Variants in GXYLT1 observed in about 807,000 individuals in gnomAD.
GXYLT1 encodes the protein glycosyltransferase 8 domain containing 3.
GXYLT1 carries 29 observed loss-of-function variants against 54.0 expected under a neutral mutation model. That is an observed-to-expected ratio of 0.54 (90% CI 0.40 to 0.73). GXYLT1 has a LOEUF of 0.73. GXYLT1 is among the 30% of genes least tolerant of loss of function. GXYLT1 has a pLI of 0.00. For missense variants in GXYLT1, 490 were observed against 553.4 expected, an observed-to-expected ratio of 0.89 and a Z score of 1.15; for synonymous variants, 176 against 204.1, an observed-to-expected ratio of 0.86 and a Z score of 1.17.
In GXYLT1 at chr12:42,097,532, T is replaced by G. The variant is rs751768814; in HGVS notation, c.1071A>C (p.Glu357Asp). The change falls in exon 7 of 8, where the codon GAA (glutamate) becomes GAC (aspartate). Residue 357 changes from glutamate to aspartate, a missense_variant. Around this residue, in one of 2 missense-constraint regions of GXYLT1, gnomAD observed 342 missense variants for 342.6 expected, o/e 1.00. Coordinates refer to ENST00000398675, the MANE Select transcript of GXYLT1 (RefSeq NM_173601.2). ...IYGSNCQEAE[E>D]GGIFILHGNR... Reference sequence around the variant, plus strand: ...TCCCATGAAGAATAAAGATTCCTCCTTCTTCTGCTTCTTGGCAATTGCTTC... The same window carrying G: ...TCCCATGAAGAATAAAGATTCCTCCGTCTTCTGCTTCTTGGCAATTGCTTC... 1 of 1,611,952 alleles carries G rather than the reference T, an allele frequency of 6.2e-7. No individual in the cohort carries two copies. The highest frequency in any genetic ancestry group is 2.2e-5 in the East Asian group (1 of 44,768).
intron 5 of GXYLT1, among the ~76,000 whole-genome samples, chr12:42,098,964 AAAG>A (rs1395946049): frequency 3.9e-5 from 6 of 152,016 alleles, no homozygotes; most frequent in Admixed American, 3.3e-4. Flanking sequence ...ATATAAAGTC[AAAG>A]AAGATTTGCT....
intron 1 of GXYLT1, among the ~76,000 whole-genome samples, chr12:42,138,483 C>T (rs999067063): frequency 1.3e-5 from 2 of 151,962 alleles, no homozygotes; most frequent in Admixed American, 6.5e-5. Flanking sequence ...CACAATATAC[C>T]TCCTCTACCA....
rs1426753855 is a variant in GXYLT1 at position 42,105,826 on chromosome 12, ACTTC to A, written c.852_855del (p.Arg284SerfsTer7). ...CTGTATTAGTGACTTACCTTGAAAT[ACTTC>A]CTTCTCATTCGAGTCATGTTCATCA... On this transcript the variant is annotated frameshift_variant, in exon 5 of 8. Coordinates refer to ENST00000398675, the MANE Select transcript of GXYLT1 (RefSeq NM_173601.2). LOFTEE classifies it high-confidence loss of function. The A allele has an allele frequency of 1.2e-6, 2 of 1,611,170 alleles. No individual in the cohort carries two copies. Among genetic ancestry groups the A allele is most frequent in the Non-Finnish European group, 1.7e-6 (2 of 1,178,954 alleles).
In GXYLT1 at chr12:42,086,417, C is replaced by T. The variant is rs1438670303; in HGVS notation, c.*1369G>A. On this transcript the variant is annotated 3_prime_UTR_variant, in exon 8 of 8. Transcript: ENST00000398675. ...ACTGTGTCTTCACAAAGCTAACTGCCACAATTTTCACAGGTTGTATTTTTC... is the reference window on the plus strand; with the variant it reads ...ACTGTGTCTTCACAAAGCTAACTGCTACAATTTTCACAGGTTGTATTTTTC... The T allele has an allele frequency of 1.3e-5, 2 of 152,226 alleles. No individual in the cohort carries two copies. Among genetic ancestry groups the T allele is most frequent in the East Asian group, 3.8e-4 (2 of 5,204 alleles). The allele number at this position is 152,226 out of a possible 1,614,324, so 9.4% of individuals were successfully genotyped here.
intron 1 of GXYLT1, 56 bp from the exon 2 acceptor site, chr12:42,129,907 A>G: frequency 9.1e-7 from 1 of 1,102,030 alleles, no homozygotes; most frequent in South Asian, 1.3e-5. Context: ...TTTGGAACTA[A>G]CAAGGAATTT....
intron 3 of GXYLT1, among the ~76,000 whole-genome samples, chr12:42,118,666 T>C (rs149539055): frequency 2.0e-4 from 30 of 152,338 alleles, no homozygotes; most frequent in African/African-American, 6.5e-4. Flanking sequence ...GATGACTCGA[T>C]CATGGGGGCC....
chr12:42,130,400 C>T (rs1255123991), intron 1 of GXYLT1, among the ~76,000 whole-genome samples: 2 of 151,850 alleles, frequency 1.3e-5, no homozygotes, highest in South Asian at 2.1e-4. Context: ...ATCAGGGAAA[C>T]GCACATTAAA....
chr12:42,110,609 A>G (rs1166167844), intron 3 of GXYLT1, among the ~76,000 whole-genome samples: 1 of 152,140 alleles, frequency 6.6e-6, no homozygotes, highest in African/African-American at 2.4e-5. Context: ...AAGTGCAGTA[A>G]CATGATTATG....
rs758231869 is a variant in GXYLT1 at position 42,129,871 on chromosome 12, A to G, written c.222-20T>C. On this transcript the variant is annotated intron_variant, in intron 1 of 7. Transcript: ENST00000398675. ...TTACACCTAACAGAGTAAGACAGAA[A>G]TAAGAGTCCTGTGTGAGTATTTTGG... 7.3e-6 allele frequency: 11 copies of G among 1,502,882 alleles called. No homozygotes were observed. In the East Asian group the frequency reaches 1.1e-4, roughly 15 times the overall value. The allele number at this position is 1,502,882 out of a possible 1,614,324, so 93.1% of individuals were successfully genotyped here.
At chr12:42,122,511 A>G (rs956351730) in intron 2 of GXYLT1, among the ~76,000 whole-genome samples, 4 of 152,156 alleles carry the variant, frequency 2.6e-5, no homozygotes, top group African/African-American at 9.7e-5. Flanking sequence ...AATTGCATGA[A>G]CCCAGGAGGC....
At chr12:42,091,096 T>C (rs1364678986) in intron 7 of GXYLT1, among the ~76,000 whole-genome samples, 1 of 152,192 alleles carries the variant, frequency 6.6e-6, no homozygotes, top group East Asian at 1.9e-4. Flanking sequence ...CTTGTCTGAA[T>C]ACAATTCTTT....
At chr12:42,115,491 CAACT>C (rs2065488343) in intron 3 of GXYLT1, among the ~76,000 whole-genome samples, 2 of 152,082 alleles carry the variant, frequency 1.3e-5, no homozygotes, top group South Asian at 2.1e-4. Flanking sequence ...CAATAACAGA[CAACT>C]AGAGAGCCAA....
intron 7 of GXYLT1, among the ~76,000 whole-genome samples, chr12:42,097,151 G>A (rs981310224): frequency 1.3e-5 from 2 of 151,706 alleles, no homozygotes; most frequent in East Asian, 1.9e-4. Context: ...TAATAAAAGA[G>A]CGTCCTTATT....
rs79142147 is a variant in GXYLT1 at position 42,102,389 on chromosome 12, C to T, written c.864+3429G>A. Among the ~76,000 whole-genome samples, 318 of 152,260 alleles carry T rather than the reference C, an allele frequency of 2.1e-3. 5 individuals carry two copies. In the East Asian group the frequency reaches 0.043, roughly 21 times the overall value. On this transcript the variant is annotated intron_variant, in intron 5 of 7. Transcript: ENST00000398675. ...CATACATCTTACAAATATGTAAAAG[C>T]ATTGTATCTACTTCATACAAAGTGT...
chr12:42,102,097 T>C (rs551595630), intron 5 of GXYLT1, among the ~76,000 whole-genome samples: 2 of 152,328 alleles, frequency 1.3e-5, no homozygotes, highest in African/African-American at 4.8e-5. Context: ...TATGACCAAA[T>C]ACATGTATGT....
In GXYLT1 at chr12:42,085,840, T is replaced by C. The variant is rs1217941680; in HGVS notation, c.*1946A>G. The C allele has an allele frequency of 2.4e-5, 3 of 127,144 alleles. No individual in the cohort carries two copies. Among genetic ancestry groups the C allele is most frequent in the African/African-American group, 8.7e-5 (3 of 34,502 alleles). 7.9% of individuals were successfully genotyped at this position (127,144 alleles called of 1,614,324 possible). ...AGTGAAATAACACAATGTATGGGAT[T>C]TTAAGATACTTAAGCAAACAAAAAA... On this transcript the variant is annotated 3_prime_UTR_variant, in exon 8 of 8. Coordinates refer to ENST00000398675, the MANE Select transcript of GXYLT1 (RefSeq NM_173601.2).
chr12:42,116,560 A>C (rs572431324), intron 3 of GXYLT1, among the ~76,000 whole-genome samples: 18 of 152,364 alleles, frequency 1.2e-4, no homozygotes, highest in African/African-American at 3.8e-4. Context: ...GAGAAATGCA[A>C]ATCAAAACCA....
chr12:42,112,250 A>G (rs910400396), intron 3 of GXYLT1, among the ~76,000 whole-genome samples: 2 of 152,248 alleles, frequency 1.3e-5, no homozygotes, highest in Non-Finnish European at 2.9e-5. Flanking sequence ...CTCCTCCTCC[A>G]AAGGAATGCA....
At chr12:42,144,334 G>C (rs929632526) in intron 1 of GXYLT1, 92 bp downstream of exon 1, 1 of 771,698 alleles carries the variant, frequency 1.3e-6, no homozygotes, top group African/African-American at 1.9e-5. Flanking sequence ...CGCGGGAGAC[G>C]CGGCACCCAC....
Sources: allele counts gnomAD v4.1 joint callset (sites outside exome capture counted in the v4.1 genomes callset), GRCh38; gene constraint gnomAD v4.1.1; regional missense constraint gnomAD v4.1.1; transcripts MANE v1.5; gene names NCBI Gene and HGNC (gene_info 2026-07-23, HGNC 2026-07-21).